Variants in CASP9 observed in about 807,000 individuals in gnomAD.
The protein encoded by CASP9 is caspase-9.
A neutral mutation model predicts 43.5 loss-of-function variants in CASP9; 29 were observed. The ratio of observed to expected loss-of-function variants is 0.67; its 90% confidence interval spans 0.50 to 0.91. The LOEUF is 0.91. Ranked by LOEUF, CASP9 falls within the 40% of genes least tolerant of loss-of-function variation. The probability of loss-of-function intolerance (pLI) is 0.00; values close to 1 mark genes in which losing one functional copy is unlikely to be tolerated. For synonymous variants in CASP9, 206 were observed against 211.9 expected (o/e 0.97, Z 0.24); for missense variants, 575 against 537.4 (o/e 1.07, Z -0.69).
At chr1:15,494,264 C>T (rs111796740) in intron 7 of CASP9, among the ~76,000 whole-genome samples, 1 of 152,088 alleles carries the variant, frequency 6.6e-6, no homozygotes, top group South Asian at 2.1e-4. Context: ...TCATCCAAGA[C>T]ATAAGAAAGG....
Position 15,506,244 on chromosome 1 carries a change from T to C in CASP9, c.631-165A>G, listed in dbSNP as rs185039434. Reference sequence around the variant, plus strand: ...CAGGTGGATCATTTGAGGTCACGAGTTCGAGACCAGCCTGGCCAACATGGT... The same window carrying C: ...CAGGTGGATCATTTGAGGTCACGAGCTCGAGACCAGCCTGGCCAACATGGT... On this transcript the variant is annotated intron_variant, in intron 4 of 8. Coordinates refer to ENST00000333868, the MANE Select transcript of CASP9 (RefSeq NM_001229.5). 2.0e-5 allele frequency among the ~76,000 whole-genome samples: 3 copies of C among 151,586 alleles called. No individual in the cohort carries two copies. In the East Asian group the frequency reaches 5.8e-4, roughly 30 times the overall value.
chr1:15,524,629 G>T, upstream of CASP9: 1 of 948,028 alleles, frequency 1.1e-6, no homozygotes, highest in Non-Finnish European at 1.2e-6. Flanking sequence ...CCCGCAGGAC[G>T]CATCTCCAAC....
At chr1:15,509,508 G>A (rs889944518) in intron 2 of CASP9, among the ~76,000 whole-genome samples, 10 of 150,374 alleles carry the variant, frequency 6.7e-5, no homozygotes, top group African/African-American at 2.2e-4. Context: ...GGGGGCAGGC[G>A]CCTGTAATCC....
Position 15,503,247 on chromosome 1 carries a change from T to C in CASP9, c.868+1364A>G, listed in dbSNP as rs532127221. Among the ~76,000 whole-genome samples the C allele has an allele frequency of 5.9e-5, 9 of 151,444 alleles. No individual in the cohort carries two copies. In the East Asian group the frequency reaches 7.8e-4, roughly 13 times the overall value. On this transcript the variant is annotated intron_variant, in intron 6 of 8. Transcript: ENST00000333868. ...ACAAAAAAAAAATAGAAAAATTAGC[T>C]GGGCATGGTAGTGTGCACCTGTAGC...
chr1:15,504,818 T>C (rs1709458369), intron 5 of CASP9, 60 bp from the exon 6 acceptor site: 1 of 1,530,778 alleles, frequency 6.5e-7, no homozygotes, highest in Non-Finnish European at 8.9e-7. Flanking sequence ...TCCAACAGCC[T>C]GTTCAGAGGT....
chr1:15,514,283 G>A (rs1258308226), intron 2 of CASP9, among the ~76,000 whole-genome samples: 1 of 152,188 alleles, frequency 6.6e-6, no homozygotes, highest in Non-Finnish European at 1.5e-5. Context: ...TCCCCAGTGT[G>A]AAACACTGAC....
At chr1:15,511,153 A>T (rs1570857355) in intron 2 of CASP9, among the ~76,000 whole-genome samples, 1 of 152,328 alleles carries the variant, frequency 6.6e-6, no homozygotes, top group African/African-American at 2.4e-5. Context: ...CAAAGTGAAG[A>T]GGTCAGGGTA....
chr1:15,504,699 G>C lies in CASP9; in HGVS notation c.780C>G (p.Val260=). The change falls in exon 6 of 9, where the codon GTC becomes GTG. Residue 260 remains valine, a synonymous_variant. Transcript: ENST00000333868. ...VYGTDGCPVS[V]EKIVNIFNGT... ...CATTGAAGATGTTCACAATCTTCTC[G>C]ACCGACACAGGGCATCCATCTGTGC... is the stretch of plus-strand genomic sequence containing the variant. The C allele has an allele frequency of 6.2e-7, 1 of 1,614,126 alleles. No homozygotes were observed.
chr1:15,520,316 C>A (rs1710135150), intron 1 of CASP9, among the ~76,000 whole-genome samples: 1 of 152,028 alleles, frequency 6.6e-6, no homozygotes, highest in South Asian at 2.1e-4. Context: ...GGTGCCGAGG[C>A]AAGAGACTGA....
intron 2 of CASP9, among the ~76,000 whole-genome samples, chr1:15,516,340 A>AAATT (rs1469146725): frequency 1.3e-5 from 2 of 151,622 alleles, no homozygotes; most frequent in African/African-American, 4.9e-5. Context: ...AAATACAAAA[A>AAATT]AATTAGCCAG....
At chr1:15,509,553 T>C (rs944354817) in intron 2 of CASP9, among the ~76,000 whole-genome samples, 2 of 150,736 alleles carry the variant, frequency 1.3e-5, no homozygotes, top group African/African-American at 4.9e-5. Context: ...GAGAATCGCT[T>C]GAACCTGGGA....
intron 8 of CASP9, chr1:15,493,365 A>G (rs1278617788): frequency 8.1e-7 from 1 of 1,238,010 alleles, no homozygotes; most frequent in Non-Finnish European, 1.0e-6. Context: ...CAAGGCAGCC[A>G]CAAGGCCACA....
intron 1 of CASP9, among the ~76,000 whole-genome samples, chr1:15,520,759 C>A (rs1176412652): frequency 6.6e-6 from 1 of 152,180 alleles, no homozygotes; most frequent in Non-Finnish European, 1.5e-5. Context: ...CAAGACCAGC[C>A]TGACCAACAC....
At chr1:15,507,675 A>G (rs570902408) in intron 3 of CASP9, 198 bp downstream of exon 3, 11 of 589,272 alleles carry the variant, frequency 1.9e-5, no homozygotes, top group African/African-American at 1.7e-4. Context: ...TCAGCTTTGC[A>G]GATGAGGAAG....
Position 15,492,786 on chromosome 1 carries a change from G to A in CASP9, c.*157C>T, listed in dbSNP as rs1708938877. 1.3e-5 allele frequency: 13 copies of A among 992,188 alleles called. No individual in the cohort carries two copies. Among genetic ancestry groups the A allele is most frequent in the Non-Finnish European group, 1.9e-5 (13 of 675,240 alleles). The allele number at this position is 992,188 out of a possible 1,614,324, so 61.5% of individuals were successfully genotyped here. On this transcript the variant is annotated 3_prime_UTR_variant, in exon 9 of 9. Coordinates refer to ENST00000333868, the MANE Select transcript of CASP9 (RefSeq NM_001229.5). Reference sequence around the variant, plus strand: ...TTCAGCACTTGTCGTCAATCTGGAAGCTGCTAAGAGCCTGTCTGTCACTGG... The same window carrying A: ...TTCAGCACTTGTCGTCAATCTGGAAACTGCTAAGAGCCTGTCTGTCACTGG...
In CASP9 at chr1:15,493,015, C is replaced by T; in HGVS notation, c.1179G>A (p.Val393=). ...LLLRVANAVS[V]KGIYKQMPGC... ...CAGGCATCTGTTTATAAATCCCTTTCACCGAAACAGCATTAGCGACCTGTA... is the reference window on the plus strand; with the variant it reads ...CAGGCATCTGTTTATAAATCCCTTTTACCGAAACAGCATTAGCGACCTGTA... Residue 393 remains valine, a synonymous_variant, in exon 9 of 9, where the codon GTG becomes GTA. Transcript: ENST00000333868. The T allele has an allele frequency of 1.9e-6, 3 of 1,614,084 alleles. No individual in the cohort carries two copies. The East Asian group carries it at 6.7e-5, about 36-fold the overall frequency.
intron 2 of CASP9, among the ~76,000 whole-genome samples, chr1:15,508,573 C>T (rs565989983): frequency 3.1e-4 from 47 of 152,128 alleles, no homozygotes; most frequent in Non-Finnish European, 5.4e-4. Context: ...CCACCATGCC[C>T]GGCTAATTTT....
chr1:15,509,178 CTCTT>C (rs1047834715), intron 2 of CASP9, among the ~76,000 whole-genome samples: 2 of 152,326 alleles, frequency 1.3e-5, no homozygotes, highest in Admixed American at 1.3e-4. Flanking sequence ...CAGAGCTCTT[CTCTT>C]TCTTTCACCT....
intron 6 of CASP9, among the ~76,000 whole-genome samples, chr1:15,500,480 A>T (rs1165174115): frequency 6.6e-6 from 1 of 152,186 alleles, no homozygotes; most frequent in African/African-American, 2.4e-5. Context: ...CCACACAGCT[A>T]AAGCTCAGAA....
Sources: allele counts gnomAD v4.1 joint callset (sites outside exome capture counted in the v4.1 genomes callset), GRCh38; gene constraint gnomAD v4.1.1; transcripts MANE v1.5; gene names NCBI Gene and HGNC (gene_info 2026-07-23, HGNC 2026-07-21).